Variants in IQCK observed in about 807,000 individuals in gnomAD.
IQCK encodes the protein IQ domain-containing protein K.
Under a neutral mutation model 28.1 loss-of-function variants are expected in IQCK, and 29 were observed. That is an observed-to-expected ratio of 1.03 (90% CI 0.77 to 1.41). The LOEUF (loss-of-function observed/expected upper bound fraction) is 1.41, where lower values mean the gene tolerates loss of function less well. Among genes scored for constraint, IQCK ranks in the 40% most tolerant of loss-of-function variants. The probability of loss-of-function intolerance (pLI) is 0.00; values close to 1 mark genes in which losing one functional copy is unlikely to be tolerated. For synonymous variants in IQCK, 113 were observed against 115.1 expected, an observed-to-expected ratio of 0.98 and a Z score of 0.12; for missense variants, 359 against 314.7, an observed-to-expected ratio of 1.14 and a Z score of -1.07.
At chr16:19,780,465 C>G (rs2055464549) in intron 6 of IQCK, among the ~76,000 whole-genome samples, 1 of 152,190 alleles carries the variant, frequency 6.6e-6, no homozygotes, top group African/African-American at 2.4e-5. Context: ...GCCACTGCAC[C>G]TGGCCCATCC....
At chr16:19,722,034 A>T (rs146169921) in intron 1 of IQCK, among the ~76,000 whole-genome samples, 14 of 152,208 alleles carry the variant, frequency 9.2e-5, no homozygotes, top group Non-Finnish European at 2.1e-4. Context: ...GACATGGATC[A>T]GTTGTGAATC....
intron 9 of IQCK, among the ~76,000 whole-genome samples, chr16:19,849,619 G>A (rs968771269): frequency 6.6e-6 from 1 of 151,630 alleles, no homozygotes; most frequent in African/African-American, 2.4e-5. Flanking sequence ...AAAAATATTC[G>A]GGCATGGTGG....
downstream of IQCK, chr16:19,827,299 T>C (rs2056162176): frequency 4.9e-6 from 3 of 606,788 alleles, no homozygotes; most frequent in Non-Finnish European, 5.9e-6. Context: ...TGCTATGGAA[T>C]GACAGAGGTG....
chr16:19,752,921 G>A (rs911493626), intron 4 of IQCK, among the ~76,000 whole-genome samples: 3 of 152,150 alleles, frequency 2.0e-5, no homozygotes, highest in African/African-American at 7.2e-5. Context: ...AGCTTGATCT[G>A]GTGACCCAGA....
intron 1 of IQCK, among the ~76,000 whole-genome samples, chr16:19,728,488 G>T (rs947078699): frequency 2.0e-5 from 3 of 152,150 alleles, no homozygotes; most frequent in Admixed American, 6.5e-5. Flanking sequence ...GACCTCAAGT[G>T]ATCCACCCAC....
intron 6 of IQCK, chr16:19,764,412 T>G (rs1373951933): frequency 4.3e-6 from 1 of 232,098 alleles, no homozygotes; most frequent in East Asian, 8.4e-5. Flanking sequence ...AATGTCATTA[T>G]GTCTCAGGAA....
At chr16:19,812,835 A>G in intron 7 of IQCK, among the ~76,000 whole-genome samples, 1 of 152,048 alleles carries the variant, frequency 6.6e-6, no homozygotes, top group South Asian at 2.1e-4. Flanking sequence ...TTCATTGCAG[A>G]AAAAGGTAGG....
At chr16:19,771,929 A>G (rs2055326326) in intron 6 of IQCK, among the ~76,000 whole-genome samples, 1 of 152,170 alleles carries the variant, frequency 6.6e-6, no homozygotes. Flanking sequence ...ACAGGGAATC[A>G]ACGAGGGATA....
chr16:19,764,355 T>A, intron 6 of IQCK: 2 of 369,858 alleles, frequency 5.4e-6, no homozygotes, highest in Non-Finnish European at 9.7e-6. Flanking sequence ...ATTATTATCC[T>A]AAGTAATTTA....
intron 4 of IQCK, among the ~76,000 whole-genome samples, chr16:19,755,167 TGTGGAAAATAC>T (rs1280245456): frequency 6.6e-6 from 1 of 152,200 alleles, no homozygotes; most frequent in Non-Finnish European, 1.5e-5. Flanking sequence ...GGAAATGTAT[TGTGGAAAATAC>T]GTGGGAAAGG....
intron 7 of IQCK, among the ~76,000 whole-genome samples, chr16:19,818,044 C>G (rs984889026): frequency 6.7e-6 from 1 of 148,448 alleles, no homozygotes; most frequent in Admixed American, 6.6e-5. Flanking sequence ...GCTTAGATCC[C>G]GATAAACACG....
chr16:19,745,287 G>A (rs894540456), intron 4 of IQCK, among the ~76,000 whole-genome samples: 1 of 151,960 alleles, frequency 6.6e-6, no homozygotes, highest in Non-Finnish European at 1.5e-5. Flanking sequence ...CTTTAATGTG[G>A]CACTCTGGCA....
chr16:19,772,853 A>C (rs2055337303), intron 6 of IQCK, among the ~76,000 whole-genome samples: 1 of 151,998 alleles, frequency 6.6e-6, no homozygotes. Flanking sequence ...AAAATCAAAA[A>C]TCAGCTGATC....
intron 4 of IQCK, among the ~76,000 whole-genome samples, chr16:19,754,174 G>A (rs893571748): frequency 6.6e-6 from 1 of 152,094 alleles, no homozygotes; most frequent in Non-Finnish European, 1.5e-5. Flanking sequence ...GGAGCTGCAG[G>A]GTGGCAGTTT....
intron 4 of IQCK, among the ~76,000 whole-genome samples, chr16:19,758,658 A>G (rs1480389260): frequency 6.6e-6 from 1 of 152,212 alleles, no homozygotes; most frequent in Non-Finnish European, 1.5e-5. Flanking sequence ...TTGGTTAAAG[A>G]TGGCTTTTTG....
chr16:19,828,696 G>T (rs2056184838), downstream of IQCK, among the ~76,000 whole-genome samples: 1 of 149,404 alleles, frequency 6.7e-6, no homozygotes, highest in Non-Finnish European at 1.5e-5. Flanking sequence ...GGCCAACATG[G>T]TGAAACCCTG....
intron 4 of IQCK, among the ~76,000 whole-genome samples, chr16:19,756,896 CAAAAA>C (rs34600488): frequency 1.0e-5 from 1 of 96,186 alleles, no homozygotes. Context: ...GGCTCCATGT[CAAAAA>C]AAAAAAAAAA....
At position 19,738,599 on chromosome 16, in the gene IQCK, A is replaced by G. The variant is rs145103365; in HGVS notation, c.474+3149A>G. Among the ~76,000 whole-genome samples the G allele has an allele frequency of 2.6e-5, 4 of 152,316 alleles. No homozygotes were observed. In the East Asian group the frequency reaches 7.7e-4, roughly 29 times the overall value. ...CCATTATCACTTCCTTCCATGTAAAATGAGGCTGATCATAGCACCTGCTCA... is the reference window on the plus strand; with the variant it reads ...CCATTATCACTTCCTTCCATGTAAAGTGAGGCTGATCATAGCACCTGCTCA... On this transcript the variant is annotated intron_variant, in intron 4 of 7. Transcript: ENST00000564186.
At chr16:19,757,721 G>A (rs889064477) in intron 4 of IQCK, among the ~76,000 whole-genome samples, 1 of 151,898 alleles carries the variant, frequency 6.6e-6, no homozygotes, top group Non-Finnish European at 1.5e-5. Context: ...CTTTTATGAT[G>A]GTATTTTCCT....
Sources: allele counts gnomAD v4.1 joint callset (sites outside exome capture counted in the v4.1 genomes callset), GRCh38; gene constraint gnomAD v4.1.1; transcripts MANE v1.5; gene names NCBI Gene and HGNC (gene_info 2026-07-23, HGNC 2026-07-21).